DPYD: variants seen among roughly 807,000 people sequenced by gnomAD.
The protein encoded by DPYD is dihydropyrimidine dehydrogenase.
A neutral mutation model predicts 116.2 loss-of-function variants in DPYD; 109 were observed. That is an observed-to-expected ratio of 0.94 (90% confidence interval 0.80 to 1.10). The LOEUF is 1.10. Among genes scored for constraint, DPYD ranks in the 50% least tolerant of loss-of-function variants. DPYD has a pLI of 0.00. For synonymous variants in DPYD, 440 were observed against 432.0 expected (o/e 1.02, Z -0.23); for missense variants, 1,302 against 1,254.5 (o/e 1.04, Z -0.57).
intron 2 of DPYD, among the ~76,000 whole-genome samples, chr1:97,859,581 A>G (rs758239717): frequency 1.5e-4 from 23 of 152,104 alleles, no homozygotes; most frequent in Non-Finnish European, 2.6e-4. Context: ...CCTATATGTA[A>G]GTTCTCTTGG....
At chr1:97,220,311 C>A (rs1030564109) in intron 19 of DPYD, among the ~76,000 whole-genome samples, 3 of 152,174 alleles carry the variant, frequency 2.0e-5, no homozygotes, top group African/African-American at 7.2e-5. Flanking sequence ...TCCTGCCCCA[C>A]CTCAGGACTC....
chr1:97,563,967 ATCTT>A lies in DPYD; in HGVS notation c.1339+9789_1339+9792del, dbSNP rs200452133. The stretch of plus-strand genomic sequence containing the variant: ...ATATTTCGTAATAGAAAGATGATAA[ATCTT>A]TCAACCAAGCAAAAATACTTCTGAT... On this transcript the variant is annotated intron_variant, in intron 11 of 22. Transcript: ENST00000370192. Among the ~76,000 whole-genome samples the A allele has an allele frequency of 4.9e-3, 742 of 152,292 alleles. 9 individuals are homozygous for A. The highest frequency in any genetic ancestry group is 0.017 in the African/African-American group (698 of 41,554).
At chr1:97,207,105 G>A (rs1267443119) in intron 19 of DPYD, among the ~76,000 whole-genome samples, 1 of 151,962 alleles carries the variant, frequency 6.6e-6, no homozygotes, top group East Asian at 1.9e-4. Context: ...TCTTTGCCTG[G>A]CATATGACTT....
chr1:97,180,058 C>T lies in DPYD; in HGVS notation c.2622+13011G>A, dbSNP rs541613846. On this transcript the variant is annotated intron_variant, in intron 20 of 22. Transcript: ENST00000370192. Reference sequence around the variant, plus strand: ...CTCCCAGGGTTTTGGTAACGCTGTTCAATATCCATATCATCTTGAAGCTAA... The same window carrying T: ...CTCCCAGGGTTTTGGTAACGCTGTTTAATATCCATATCATCTTGAAGCTAA... Among the ~76,000 whole-genome samples, 37 of 152,134 alleles carry T rather than the reference C, an allele frequency of 2.4e-4. No individual in the cohort carries two copies. The East Asian group carries it at 6.8e-3, about 28-fold the overall frequency.
chr1:97,309,406 T>A (rs1266554397), intron 16 of DPYD, among the ~76,000 whole-genome samples: 1 of 151,466 alleles, frequency 6.6e-6, no homozygotes, highest in Non-Finnish European at 1.5e-5. Context: ...TGCTATTCAA[T>A]GTGATCACCA....
intron 12 of DPYD, among the ~76,000 whole-genome samples, chr1:97,534,985 T>C (rs897217623): frequency 2.0e-5 from 3 of 152,112 alleles, no homozygotes; most frequent in Non-Finnish European, 2.9e-5. Flanking sequence ...ATTTTAAAAG[T>C]TGTTAAGTCC....
intron 1 of DPYD, among the ~76,000 whole-genome samples, chr1:97,897,947 G>T (rs180727901): frequency 4.0e-5 from 6 of 151,654 alleles, no homozygotes; most frequent in African/African-American, 1.4e-4. Context: ...TGATATTTTC[G>T]CATTCCTATA....
Position 97,747,536 on chromosome 1 carries a change from T to G in DPYD, c.234-7057A>C, listed in dbSNP as rs1319128340. Among the ~76,000 whole-genome samples, 9 of 152,214 alleles carry G rather than the reference T, an allele frequency of 5.9e-5. No individual in the cohort carries two copies. In the East Asian group the frequency reaches 1.7e-3, roughly 29 times the overall value. On this transcript the variant is annotated intron_variant, in intron 3 of 22. Transcript: ENST00000370192. ...AAGAAGATCAGAGTTTCCTCTGTCT[T>G]GTAGTAATGAGGAAAATAGTGATAA...
chr1:97,885,498 T>C (rs946054018), intron 1 of DPYD, among the ~76,000 whole-genome samples: 1 of 152,124 alleles, frequency 6.6e-6, no homozygotes, highest in Non-Finnish European at 1.5e-5. Flanking sequence ...ATAAATGTTA[T>C]ACTTAGTATT....
At chr1:97,915,756 C>G (rs1317982621) in intron 1 of DPYD, among the ~76,000 whole-genome samples, 2 of 152,118 alleles carry the variant, frequency 1.3e-5, no homozygotes, top group Non-Finnish European at 2.9e-5. Context: ...CTGAAGGGCT[C>G]TGCAACATAT....
At chr1:97,344,177 A>C (rs1669722464) in intron 16 of DPYD, among the ~76,000 whole-genome samples, 1 of 151,826 alleles carries the variant, frequency 6.6e-6, no homozygotes, top group Non-Finnish European at 1.5e-5. Flanking sequence ...TTATTTCTTA[A>C]AAATAAAAAA....
intron 3 of DPYD, among the ~76,000 whole-genome samples, chr1:97,775,608 C>T (rs1052510458): frequency 8.5e-5 from 13 of 152,152 alleles, no homozygotes; most frequent in Non-Finnish European, 1.8e-4. Flanking sequence ...TCCCTACTCT[C>T]GATTCTTAAC....
At chr1:97,784,405 A>C (rs1168213692) in intron 3 of DPYD, among the ~76,000 whole-genome samples, 1 of 152,190 alleles carries the variant, frequency 6.6e-6, no homozygotes, top group East Asian at 1.9e-4. Context: ...TATGAAGTAG[A>C]TCTCTAGATG....
intron 20 of DPYD, among the ~76,000 whole-genome samples, chr1:97,146,007 T>A (rs1473082462): frequency 3.3e-5 from 5 of 152,156 alleles, no homozygotes; most frequent in African/African-American, 1.2e-4. Flanking sequence ...GAAAAAAATA[T>A]CTCTCCCAAT....
At chr1:97,306,441 C>A (rs1667179756) in intron 16 of DPYD, 144 bp from the exon 17 acceptor site, 3 of 1,060,168 alleles carry the variant, frequency 2.8e-6, no homozygotes, top group Non-Finnish European at 4.3e-6. Flanking sequence ...AATTCCTCCT[C>A]AGTATTACAC....
At chr1:97,393,253 C>T (rs924202136) in intron 14 of DPYD, among the ~76,000 whole-genome samples, 1 of 151,714 alleles carries the variant, frequency 6.6e-6, no homozygotes, top group Admixed American at 6.6e-5. Context: ...CACTTGAACA[C>T]TTAGAGGCCA....
intron 2 of DPYD, among the ~76,000 whole-genome samples, chr1:97,866,347 G>A (rs1445161018): frequency 6.6e-6 from 1 of 151,870 alleles, no homozygotes; most frequent in Non-Finnish European, 1.5e-5. Flanking sequence ...TATGACAACA[G>A]ATACTGATGG....
chr1:97,486,962 C>A (rs1445401729), intron 13 of DPYD, among the ~76,000 whole-genome samples: 1 of 151,740 alleles, frequency 6.6e-6, no homozygotes, highest in Non-Finnish European at 1.5e-5. Context: ...AAAGATAAAT[C>A]AGAAATAGCC....
At chr1:97,274,237 CAG>C (rs1664779947) in intron 18 of DPYD, among the ~76,000 whole-genome samples, 1 of 152,142 alleles carries the variant, frequency 6.6e-6, no homozygotes. Flanking sequence ...TCCCCGCTGT[CAG>C]AGGTGGGGCC....
Sources: allele counts gnomAD v4.1 joint callset (sites outside exome capture counted in the v4.1 genomes callset), GRCh38; gene constraint gnomAD v4.1.1; transcripts MANE v1.5; gene names NCBI Gene and HGNC (gene_info 2026-07-23, HGNC 2026-07-21).